DNTT: variants seen among roughly 807,000 people sequenced by gnomAD.
The protein encoded by DNTT is nucleosidetriphosphate:DNA deoxynucleotidylexotransferase.
DNTT carries 47 observed loss-of-function variants against 60.9 expected under a neutral mutation model. The observed-to-expected ratio is 0.77, with a 90% CI of 0.61 to 0.98. The LOEUF is 0.98. DNTT is among the 50% of genes least tolerant of loss of function. The pLI is 0.00. For missense variants in DNTT, 665 were observed against 627.5 expected (o/e 1.06, Z -0.64); for synonymous variants, 224 against 221.2 (o/e 1.01, Z -0.11).
At chr10:96,312,228 T>G (rs991364253) in intron 1 of DNTT, among the ~76,000 whole-genome samples, 1 of 152,162 alleles carries the variant, frequency 6.6e-6, no homozygotes, top group African/African-American at 2.4e-5. Context: ...AAGATCTTTC[T>G]CTACAGTGGT....
chr10:96,336,494 A>G (rs1370713827), intron 10 of DNTT, among the ~76,000 whole-genome samples: 1 of 152,218 alleles, frequency 6.6e-6, no homozygotes, highest in East Asian at 1.9e-4. Flanking sequence ...TACTGTGGTC[A>G]TGATCCAATT....
At chr10:96,323,639 T>C (rs1246860796) in intron 5 of DNTT, among the ~76,000 whole-genome samples, 2 of 152,152 alleles carry the variant, frequency 1.3e-5, no homozygotes, top group African/African-American at 2.4e-5. Context: ...GAAAATCTCC[T>C]TACTGCATCT....
Position 96,324,508 on chromosome 10 carries a change from T to C in DNTT, c.874+119T>C, listed in dbSNP as rs1439096425. ...AGCTGGGACACTTCTTTGATGTCCA[T>C]TGATGCTTGGATCTAAATCCTAGCT... is the stretch of plus-strand genomic sequence containing the variant. On this transcript the variant is annotated intron_variant, in intron 6 of 10. Transcript: ENST00000371174. The C allele has an allele frequency of 9.8e-6, 14 of 1,430,988 alleles. No individual in the cohort carries two copies. The East Asian group carries it at 1.6e-4, about 17-fold the overall frequency. 88.6% of individuals were successfully genotyped at this position (1,430,988 alleles called of 1,614,324 possible).
chr10:96,329,591 G>T (rs796560006), intron 8 of DNTT, among the ~76,000 whole-genome samples: 1 of 152,184 alleles, frequency 6.6e-6, no homozygotes, highest in African/African-American at 2.4e-5. Context: ...CAAGCTTACT[G>T]ATATCCCAGA....
At chr10:96,318,639 C>G in intron 2 of DNTT, 113 bp downstream of exon 2, 1 of 1,325,986 alleles carries the variant, frequency 7.5e-7, no homozygotes. Context: ...ACCTGTGTGA[C>G]CTTGGGCAAG....
intron 1 of DNTT, among the ~76,000 whole-genome samples, chr10:96,309,156 G>T (rs759755148): frequency 3.0e-4 from 45 of 152,204 alleles, no homozygotes; most frequent in Non-Finnish European, 5.6e-4. Context: ...TGTTCAAGCA[G>T]CTTGACACCC....
intron 6 of DNTT, among the ~76,000 whole-genome samples, chr10:96,326,457 C>T (rs556754130): frequency 8.8e-4 from 134 of 152,234 alleles, no homozygotes; most frequent in African/African-American, 3.2e-3. Flanking sequence ...AGCATGTTTC[C>T]GTGACTGTCC....
At chr10:96,327,765 TGTC>T (rs1397613638) in intron 7 of DNTT, among the ~76,000 whole-genome samples, 165 bp downstream of exon 7, 5 of 152,236 alleles carry the variant, frequency 3.3e-5, no homozygotes, top group African/African-American at 4.8e-5. Context: ...CCAAATGGCT[TGTC>T]ATCCCCTGCA....
chr10:96,314,711 C>T (rs1165976318), intron 1 of DNTT, among the ~76,000 whole-genome samples: 1 of 152,080 alleles, frequency 6.6e-6, no homozygotes, highest in Non-Finnish European at 1.5e-5. Context: ...CGCGCCCAGC[C>T]TCTCTTCCCA....
intron 1 of DNTT, among the ~76,000 whole-genome samples, chr10:96,314,043 TC>T (rs2133985097): frequency 6.6e-6 from 1 of 152,342 alleles, no homozygotes; most frequent in Non-Finnish European, 1.5e-5. Context: ...CTGGGGCAGT[TC>T]TACATGTCCT....
chr10:96,328,931 A>C (rs1459200563), intron 8 of DNTT, 101 bp downstream of exon 8: 2 of 1,169,040 alleles, frequency 1.7e-6, no homozygotes, highest in African/African-American at 1.5e-5. Flanking sequence ...CCATCTAATC[A>C]ATTCTCAATT....
Position 96,318,545 on chromosome 10 carries a change from A to T in DNTT, c.378+19A>T. ...GCTTGTTGTAAGTGTCATGGGTGTG[A>T]TTTTCACTGTTCTTTGCTTGATGGT... On this transcript the variant is annotated intron_variant, in intron 2 of 10. Transcript: ENST00000371174. 2.5e-6 allele frequency: 4 copies of T among 1,609,940 alleles called. No individual in the cohort carries two copies. Among genetic ancestry groups the T allele is most frequent in the Non-Finnish European group, 3.4e-6 (4 of 1,177,688 alleles).
Position 96,312,993 on chromosome 10 carries a change from C to T in DNTT, c.204-5359C>T, listed in dbSNP as rs369596586. Among the ~76,000 whole-genome samples, 10 of 152,216 alleles carry T rather than the reference C, an allele frequency of 6.6e-5. No individual in the cohort carries two copies. The East Asian group carries it at 9.7e-4, about 15-fold the overall frequency. The stretch of plus-strand genomic sequence containing the variant: ...ATAACCCAGAGACCATGCCACTGTC[C>T]CTGCTCTCAGGGACACCAAGGACCA... On this transcript the variant is annotated intron_variant, in intron 1 of 10. Transcript: ENST00000371174.
At chr10:96,334,788 G>C (rs1054607179) in intron 9 of DNTT, among the ~76,000 whole-genome samples, 2 of 152,176 alleles carry the variant, frequency 1.3e-5, no homozygotes, top group African/African-American at 4.8e-5. Flanking sequence ...TTGAGAAAGG[G>C]GAACGTTCCA....
intron 1 of DNTT, chr10:96,306,681 C>T (rs1284556006): frequency 6.6e-6 from 1 of 152,254 alleles, no homozygotes; most frequent in Non-Finnish European, 1.5e-5. Context: ...CCCCAGATGC[C>T]TGCTGCCAGG....
intron 5 of DNTT, 40 bp downstream of exon 5, chr10:96,322,768 A>G (rs1038893094): frequency 1.3e-6 from 2 of 1,499,860 alleles, no homozygotes; most frequent in African/African-American, 1.4e-5. Context: ...ATTGTTTTTC[A>G]GTTAATCTTA....
intron 9 of DNTT, 110 bp downstream of exon 9, chr10:96,332,706 A>C: frequency 1.3e-6 from 2 of 1,501,444 alleles, no homozygotes; most frequent in South Asian, 2.6e-5. Context: ...GTGACAGGGG[A>C]GGGGCCAGTA....
chr10:96,314,225 T>C (rs867018464), intron 1 of DNTT, among the ~76,000 whole-genome samples: 15 of 152,184 alleles, frequency 9.9e-5, no homozygotes, highest in Middle Eastern at 3.4e-3. Flanking sequence ...CCCATCCAGA[T>C]GTTACTCCCT....
At chr10:96,316,492 A>G (rs1589371177) in intron 1 of DNTT, among the ~76,000 whole-genome samples, 1 of 152,188 alleles carries the variant, frequency 6.6e-6, no homozygotes, top group East Asian at 1.9e-4. Context: ...ACAACCCCAG[A>G]AAATAAGATC....
Sources: allele counts gnomAD v4.1 joint callset (sites outside exome capture counted in the v4.1 genomes callset), GRCh38; gene constraint gnomAD v4.1.1; transcripts MANE v1.5; gene names NCBI Gene and HGNC (gene_info 2026-07-23, HGNC 2026-07-21).